The following CAND2 variants were observed in gnomAD, a reference collection of about 807,000 sequenced individuals.
CAND2 encodes the protein cullin associated and neddylation dissociated 2 (putative).
CAND2 carries 62 observed loss-of-function variants against 98.9 expected under a neutral mutation model. The ratio of observed to expected loss-of-function variants is 0.63; its 90% CI spans 0.51 to 0.77. CAND2 has a LOEUF of 0.77. Among genes scored for constraint, CAND2 ranks in the 30% least tolerant of loss-of-function variants. The pLI is 0.00. For synonymous variants in CAND2, 770 were observed against 731.9 expected (o/e 1.05, Z -0.84); for missense variants, 1,501 against 1,655.2 (o/e 0.91, Z 1.62).
intron 10 of CAND2, among the ~76,000 whole-genome samples, chr3:12,819,013 T>TA (rs1423589861): frequency 1.3e-5 from 2 of 152,230 alleles, no homozygotes; most frequent in Admixed American, 6.5e-5. Flanking sequence ...CTGGGAAGCT[T>TA]AGAGCCAGAT....
chr3:12,799,188 C>T (rs576650699), intron 1 of CAND2, among the ~76,000 whole-genome samples: 1 of 152,284 alleles, frequency 6.6e-6, no homozygotes, highest in East Asian at 1.9e-4. Flanking sequence ...GTGCAGCCTC[C>T]CTGAGCCTAG....
intron 14 of CAND2, among the ~76,000 whole-genome samples, chr3:12,832,991 C>T (rs962131140): frequency 9.9e-5 from 15 of 152,162 alleles, no homozygotes; most frequent in African/African-American, 3.4e-4. Flanking sequence ...GCAACTCTTA[C>T]GACGAGGCAG....
chr3:12,804,867 C>T (rs1256599263), intron 2 of CAND2, among the ~76,000 whole-genome samples: 1 of 152,164 alleles, frequency 6.6e-6, no homozygotes, highest in Non-Finnish European at 1.5e-5. Context: ...AGAGAGAATT[C>T]AGTAAAGGGT....
Position 12,820,162 on chromosome 3 carries a change from C to T in CAND2, c.3021C>T (p.Pro1007=). 4 of 1,614,062 alleles carry T rather than the reference C, an allele frequency of 2.5e-6. No individual in the cohort carries two copies. Among genetic ancestry groups the T allele is most frequent in the Non-Finnish European group, 3.4e-6 (4 of 1,179,904 alleles). The change falls in exon 11 of 15, where the codon CCC becomes CCT. Residue 1007 remains proline, a synonymous_variant. Coordinates refer to ENST00000456430, the MANE Select transcript of CAND2 (RefSeq NM_001162499.2). ...LISDQPHPID[P]LLKSFIGEFM... ...CGGACCAGCCCCATCCCATTGACCC[C>T]CTCCTGAAGAGCTTCATCGGTGAGC...
rs1372280792 is a variant in CAND2 at position 12,817,033 on chromosome 3, G to T, written c.2101G>T (p.Ala701Ser). ...GCAGGCCGTGCTGGCTGAGCTGCCTGCCCTGGTCAACGAGAGCGACATGCA... is the reference window on the plus strand; with the variant it reads ...GCAGGCCGTGCTGGCTGAGCTGCCTTCCCTGGTCAACGAGAGCGACATGCA... The part of the protein sequence containing the change: ...AVQAVLAELP[A>S]LVNESDMHVA... Residue 701 changes from alanine to serine, a missense_variant, in exon 10 of 15, where the codon GCC becomes TCC. This residue lies in a region of CAND2 where 1,427 missense variants were observed against 1,545.3 expected (regional missense o/e 0.92). Coordinates refer to ENST00000456430, the MANE Select transcript of CAND2 (RefSeq NM_001162499.2). The T allele has an allele frequency of 1.2e-6, 2 of 1,613,052 alleles. No individual in the cohort carries two copies. Among genetic ancestry groups the T allele is most frequent in the Admixed American group, 3.3e-5 (2 of 60,026 alleles).
At chr3:12,802,109 C>T (rs571565753) in intron 1 of CAND2, among the ~76,000 whole-genome samples, 54 of 152,274 alleles carry the variant, frequency 3.5e-4, no homozygotes, top group Admixed American at 2.5e-3. Context: ...GGGCGGATCA[C>T]GAGGTCAGGA....
At position 12,817,081 on chromosome 3, in the gene CAND2, T is replaced by C. The variant is rs1475597293; in HGVS notation, c.2149T>C (p.Phe717Leu). 1 of 1,612,948 alleles carries C rather than the reference T, an allele frequency of 6.2e-7. No individual in the cohort carries two copies. Among genetic ancestry groups the C allele is most frequent in the South Asian group, 1.1e-5 (1 of 91,082 alleles). The change falls in exon 10 of 15, where the codon TTC becomes CTC. Residue 717 changes from phenylalanine (F) to leucine (L), a missense_variant. Physicochemically the swap from Phe to Leu is conservative, Grantham distance 22. Coordinates refer to ENST00000456430, the MANE Select transcript of CAND2 (RefSeq NM_001162499.2). ...GCATGTGGCCCAGCTGGCTGTGGAC[T>C]TCCTTGCCACAGTGACCCAGGCCCA... ...DMHVAQLAVD[F>L]LATVTQAQPA... is the part of the protein sequence containing the mutation.
rs200578477 is a variant in CAND2, at chr3:12,815,914, C to T, written c.1347C>T (p.Ser449=). 3.2e-5 allele frequency: 51 copies of T among 1,613,716 alleles called. No individual in the cohort carries two copies. In the African/African-American group the frequency reaches 3.3e-4, roughly 11 times the overall value. ...TGCAGCGGCAGCTTAAAGATCGGAG[C>T]GTCAGAGCCCGCCAGGGATGCTTCA... ...KALQRQLKDR[S]VRARQGCFSL... is the part of the protein sequence containing the mutation. Residue 449 remains serine (S), a synonymous_variant, in exon 9 of 15, where the codon AGC becomes AGT. Transcript: ENST00000456430. This position sits in a 1 kb window ranked among gnomAD's most constrained non-coding sequence, Gnocchi z 5.7.
chr3:12,815,890 G>A lies in CAND2; in HGVS notation c.1323G>A (p.Leu441=). 1 of 1,613,772 alleles carries A rather than the reference G, an allele frequency of 6.2e-7. No individual in the cohort carries two copies. ...AGGTGCCCCTTGTGGTCAAGGCCCTGCAGCGGCAGCTTAAAGATCGGAGCG... is the reference window on the plus strand; with the variant it reads ...AGGTGCCCCTTGTGGTCAAGGCCCTACAGCGGCAGCTTAAAGATCGGAGCG... ...RGQVPLVVKA[L]QRQLKDRSVR... is the part of the protein sequence containing the mutation. The change falls in exon 9 of 15, where the codon CTG becomes CTA. Residue 441 remains leucine (L), a synonymous_variant. Transcript: ENST00000456430. The surrounding 1 kb of genome is among the most constrained non-coding windows in gnomAD (Gnocchi z 5.7).
chr3:12,817,330 G>T lies in CAND2; in HGVS notation c.2398G>T (p.Val800Leu), dbSNP rs770689860. The change falls in exon 10 of 15, where the codon GTG becomes TTG. Residue 800 changes from valine (V) to leucine (L), a missense_variant. By Grantham distance (32) the Val-to-Leu change is conservative. Coordinates refer to ENST00000456430, the MANE Select transcript of CAND2 (RefSeq NM_001162499.2). Reference sequence around the variant, plus strand: ...TGGTGGGCCTGGCCTGCACAAGCAGGTGTTCCACTCATTGGCCCGGTGTGT... The same window carrying T: ...TGGTGGGCCTGGCCTGCACAAGCAGTTGTTCCACTCATTGGCCCGGTGTGT... The part of the protein sequence containing the change: ...VDGGPGLHKQ[V>L]FHSLARCVAA... 6.8e-6 allele frequency: 11 copies of T among 1,613,970 alleles called. No individual in the cohort carries two copies. The highest frequency in any genetic ancestry group is 5.0e-5 in the Admixed American group (3 of 60,038).
At chr3:12,805,549 A>G (rs1389612092) in intron 2 of CAND2, among the ~76,000 whole-genome samples, 2 of 152,084 alleles carry the variant, frequency 1.3e-5, no homozygotes, top group African/African-American at 4.8e-5. Context: ...AGGCCTCCCA[A>G]AGTGCTGGGA....
At position 12,824,314 on chromosome 3, in the gene CAND2, A is replaced by G. The variant is rs1277371769; in HGVS notation, c.3041-1156A>G. Among the ~76,000 whole-genome samples the G allele has an allele frequency of 2.0e-5, 3 of 152,282 alleles. No homozygotes were observed. The East Asian group carries it at 5.8e-4, about 29-fold the overall frequency. ...ATAACAGAATACTACAGATTGGGTA[A>G]TTTATAAAGAAGAGAAATTCATTCC... On this transcript the variant is annotated intron_variant, in intron 11 of 14. Coordinates refer to ENST00000456430, the MANE Select transcript of CAND2 (RefSeq NM_001162499.2).
chr3:12,815,403 C>A lies in CAND2; in HGVS notation c.1269C>A (p.Thr423=), dbSNP rs530110068. The A allele has an allele frequency of 6.2e-7, 1 of 1,613,244 alleles. No individual in the cohort carries two copies. The highest frequency in any genetic ancestry group is 1.3e-5 in the African/African-American group (1 of 75,038). ...WLEAMEEPTQ[T]GSNLHMLRGQ... is the part of the protein sequence containing the mutation. ...AGGCCATGGAGGAACCCACCCAGACCGGCAGCAACCTCCATATGCTACGTG... is the reference window on the plus strand; with the variant it reads ...AGGCCATGGAGGAACCCACCCAGACAGGCAGCAACCTCCATATGCTACGTG... The change falls in exon 8 of 15, where the codon ACC becomes ACA. Residue 423 remains threonine (T), a synonymous_variant. Coordinates refer to ENST00000456430, the MANE Select transcript of CAND2 (RefSeq NM_001162499.2). This position sits in a 1 kb window ranked among gnomAD's most constrained non-coding sequence, Gnocchi z 5.7.
rs965850459 is a variant in CAND2, at chr3:12,820,201, C to T, written c.3040+20C>T. On this transcript the variant is annotated intron_variant, in intron 11 of 14. Coordinates refer to ENST00000456430, the MANE Select transcript of CAND2 (RefSeq NM_001162499.2). The stretch of plus-strand genomic sequence containing the variant: ...TCATCGGTGAGCACCTACCTCTTGC[C>T]CCTCCACCTTGTTCAGTGCCCCCAC... 7 of 1,586,800 alleles carry T rather than the reference C, an allele frequency of 4.4e-6. No homozygotes were observed. Among genetic ancestry groups the T allele is most frequent in the African/African-American group, 2.7e-5 (2 of 74,514 alleles).
chr3:12,823,939 G>C (rs1293387367), intron 11 of CAND2, among the ~76,000 whole-genome samples: 1 of 144,230 alleles, frequency 6.9e-6, no homozygotes, highest in Non-Finnish European at 1.5e-5. Context: ...TTTGCATTTT[G>C]GTTTTATTTT....
intron 10 of CAND2, 39 bp downstream of exon 10, chr3:12,817,915 G>C (rs758571744): frequency 2.0e-6 from 3 of 1,474,068 alleles, no homozygotes; most frequent in Non-Finnish European, 2.7e-6. Context: ...CCACCTCGGA[G>C]GTGGGCAGTT....
chr3:12,801,180 G>A (rs529289269), intron 1 of CAND2, among the ~76,000 whole-genome samples: 12 of 151,924 alleles, frequency 7.9e-5, no homozygotes, highest in Non-Finnish European at 1.6e-4. Flanking sequence ...TAGGATTACA[G>A]GTGTCTGCCA....
chr3:12,796,831 A>T, intron 1 of CAND2, 43 bp downstream of exon 1: 1 of 1,511,280 alleles, frequency 6.6e-7, no homozygotes, highest in Non-Finnish European at 9.0e-7. Context: ...CCCGCTCTGA[A>T]GCCGGGGGCC....
Position 12,815,230 on chromosome 3 carries a change from C to T in CAND2, c.1096C>T (p.Arg366Trp), listed in dbSNP as rs200273372. ...AKCIAALISS[R>W]PDLLPDFHCT... is the part of the protein sequence containing the mutation. Reference sequence around the variant, plus strand: ...GTGCATCGCAGCCTTGATCAGCTCGCGGCCTGACCTGCTGCCCGATTTCCA... The same window carrying T: ...GTGCATCGCAGCCTTGATCAGCTCGTGGCCTGACCTGCTGCCCGATTTCCA... The change falls in exon 8 of 15, where the codon CGG (arginine) becomes TGG (tryptophan). Residue 366 changes from arginine (R) to tryptophan (W), a missense_variant. By Grantham distance (101) the Arg-to-Trp change is moderately radical. Coordinates refer to ENST00000456430, the MANE Select transcript of CAND2 (RefSeq NM_001162499.2). The surrounding 1 kb of genome is among the most constrained non-coding windows in gnomAD (Gnocchi z 5.7). The T allele has an allele frequency of 1.3e-5, 21 of 1,613,650 alleles. No homozygotes were observed. In the African/African-American group the frequency reaches 1.5e-4, roughly 11 times the overall value.
Sources: gnomAD v4.1 joint callset for allele counts (sites outside exome capture counted in the v4.1 genomes callset) on GRCh38, gnomAD v4.1.1 for gene constraint, gnomAD v4.1.1 regional missense constraint, Gnocchi (gnomAD v3.1) non-coding constraint, MANE v1.5 for transcripts, NCBI Gene and HGNC (gene_info 2026-07-23, HGNC 2026-07-21) for gene names.